Variants in MAFK observed in about 807,000 individuals in gnomAD.
MAFK encodes transcription factor MafK.
A neutral mutation model predicts 9.2 loss-of-function variants in MAFK; 1 was observed. The ratio of observed to expected loss-of-function variants is 0.11; its 90% CI spans 0.04 to 0.52. The LOEUF (loss-of-function observed/expected upper bound fraction) is 0.52. Ranked by LOEUF, MAFK falls within the 20% of genes least tolerant of loss-of-function variation. The pLI is 0.94. For missense variants in MAFK, 207 were observed against 236.0 expected, an observed-to-expected ratio of 0.88 and a Z score of 0.81; for synonymous variants, 110 against 107.4, an observed-to-expected ratio of 1.02 and a Z score of -0.15.
intron 1 of MAFK, among the ~76,000 whole-genome samples, chr7:1,536,880 C>T (rs1312813056): frequency 6.6e-6 from 1 of 152,186 alleles, no homozygotes; most frequent in Admixed American, 6.5e-5. Flanking sequence ...AGAGCAGAGT[C>T]GTGACCTGCC....
Position 1,540,036 on chromosome 7 carries a change from C to T in MAFK, c.132C>T (p.Leu44=). 2 of 1,559,666 alleles carry T rather than the reference C, an allele frequency of 1.3e-6. No homozygotes were observed. The highest frequency in any genetic ancestry group is 1.7e-6 in the Non-Finnish European group (2 of 1,151,840). The change falls in exon 3 of 3, where the codon CTC becomes CTT. Residue 44 remains leucine, a synonymous_variant. Coordinates refer to ENST00000343242, the MANE Select transcript of MAFK (RefSeq NM_002360.4). Reference sequence around the variant, plus strand: ...AGCTGAACCAGCACCTGCGGGGTCTCACCAAGGAGGAGGTGACCCGCCTGA... The same window carrying T: ...AGCTGAACCAGCACCTGCGGGGTCTTACCAAGGAGGAGGTGACCCGCCTGA... ...VRELNQHLRG[L]TKEEVTRLKQ... is the part of the protein sequence containing the mutation.
At position 1,535,438 on chromosome 7, in the gene MAFK, T is replaced by A. The variant is rs183165532; in HGVS notation, c.-44-3711T>A. Among the ~76,000 whole-genome samples, 164 of 152,312 alleles carry A rather than the reference T, an allele frequency of 1.1e-3. 1 individual carries two copies. The highest frequency in any genetic ancestry group is 4.6e-3 in the South Asian group (22 of 4,832). ...GGGAGACTGAGGCAGGAAGATCACT[T>A]GAGTCCAGGAGCTCGAGACCAGCCT... On this transcript the variant is annotated intron_variant, in intron 1 of 2. Coordinates refer to ENST00000343242, the MANE Select transcript of MAFK (RefSeq NM_002360.4).
In MAFK at chr7:1,540,689, A is replaced by G. The variant is rs1168121624; in HGVS notation, c.*314A>G. On this transcript the variant is annotated 3_prime_UTR_variant, in exon 3 of 3. Coordinates refer to ENST00000343242, the MANE Select transcript of MAFK (RefSeq NM_002360.4). ...ACATATAATGGAAAGGCCCTCGGGA[A>G]GTTCCGCGTCCTCTGTGGGGGCTGC... 1 of 352,874 alleles carries G rather than the reference A, an allele frequency of 2.8e-6. No individual in the cohort carries two copies. Among genetic ancestry groups the G allele is most frequent in the Non-Finnish European group, 5.2e-6 (1 of 192,928 alleles). 21.9% of individuals were successfully genotyped at this position (352,874 alleles called of 1,614,324 possible). A position where few individuals can be genotyped will look rare whatever the true frequency, so the allele number is the denominator to read the frequency against.
rs78528762 is a variant in MAFK, at chr7:1,534,550, C to T, written c.-45+3652C>T. On this transcript the variant is annotated intron_variant, in intron 1 of 2. Transcript: ENST00000343242. This position sits in a 1 kb window ranked among gnomAD's most constrained non-coding sequence, Gnocchi z 4.3. ...CGTGTCTCTCGCACAGAGCTCCCGT[C>T]CTCCGTTCCTGGTCTTCCTCCTGCC... is the stretch of plus-strand genomic sequence containing the variant. 4,626 of 456,096 alleles carry T rather than the reference C, an allele frequency of 0.01. 145 individuals carry two copies. Among genetic ancestry groups the T allele is most frequent in the African/African-American group, 0.071 (3,549 of 50,144 alleles). 28.3% of individuals were successfully genotyped at this position (456,096 alleles called of 1,614,324 possible). A position where few individuals can be genotyped will look rare whatever the true frequency, so the allele number is the denominator to read the frequency against.
At chr7:1,539,542 C>T (rs1360554082) in intron 2 of MAFK, among the ~76,000 whole-genome samples, 1 of 114,254 alleles carries the variant, frequency 8.8e-6, no homozygotes, top group East Asian at 2.5e-4. Context: ...GCGTGGCCAG[C>T]GTGGCCTCTG....
Position 1,540,583 on chromosome 7 carries a change from G to A in MAFK, c.*208G>A. The A allele has an allele frequency of 1.7e-6, 1 of 571,708 alleles. No homozygotes were observed. The highest frequency in any genetic ancestry group is 3.0e-6 in the Non-Finnish European group (1 of 330,524). 35.4% of individuals were successfully genotyped at this position (571,708 alleles called of 1,614,324 possible). On this transcript the variant is annotated 3_prime_UTR_variant, in exon 3 of 3. Transcript: ENST00000343242. ...GCCCAGAGCTGCACGCCGGTCCACAGACACACTCACGCCCGCCACCTGCTC... is the reference window on the plus strand; with the variant it reads ...GCCCAGAGCTGCACGCCGGTCCACAAACACACTCACGCCCGCCACCTGCTC...
intron 1 of MAFK, among the ~76,000 whole-genome samples, chr7:1,535,448 A>T (rs1311208132): frequency 6.6e-6 from 1 of 152,220 alleles, no homozygotes; most frequent in East Asian, 1.9e-4. Flanking sequence ...TGAGTCCAGG[A>T]GCTCGAGACC....
intron 2 of MAFK, 53 bp downstream of exon 2, chr7:1,539,281 C>G (rs1583202152): frequency 1.4e-6 from 2 of 1,442,904 alleles, no homozygotes; most frequent in African/African-American, 1.7e-5. Context: ...GGGAAAGGCC[C>G]CCGGCCCGAC....
chr7:1,530,958 G>GCGCGTGGATTCTCC (rs1783890042), intron 1 of MAFK, 60 bp downstream of exon 1: 1 of 146,432 alleles, frequency 6.8e-6, no homozygotes, highest in Non-Finnish European at 1.5e-5. Flanking sequence ...CGGGGCGCGG[G>GCGCGTGGATTCTCC]GCCGGGGCTA....
chr7:1,536,990 T>C lies in MAFK; in HGVS notation c.-44-2159T>C, dbSNP rs566270403. ...TCTTCAGAGGGCCCCAGTGCAGGTG[T>C]GCCTCGAAGTACTGGGGTTGGAGCG... On this transcript the variant is annotated intron_variant, in intron 1 of 2. Coordinates refer to ENST00000343242, the MANE Select transcript of MAFK (RefSeq NM_002360.4). 5.3e-5 allele frequency among the ~76,000 whole-genome samples: 8 copies of C among 152,296 alleles called. No individual in the cohort carries two copies. In the South Asian group the frequency reaches 1.7e-3, roughly 32 times the overall value.
At chr7:1,536,182 C>T (rs148023256) in intron 1 of MAFK, among the ~76,000 whole-genome samples, 77 of 152,332 alleles carry the variant, frequency 5.1e-4, no homozygotes, top group African/African-American at 1.8e-3. Flanking sequence ...TGCTGGGGCC[C>T]CACAGCGGAA....
At position 1,541,773 on chromosome 7, in the gene MAFK, GCTTC is replaced by G. The variant is rs1350975998; in HGVS notation, c.*1402_*1405del. The G allele has an allele frequency of 6.6e-6, 1 of 152,296 alleles. No individual in the cohort carries two copies. Among genetic ancestry groups the G allele is most frequent in the African/African-American group, 2.4e-5 (1 of 41,452 alleles). 9.4% of individuals were successfully genotyped at this position (152,296 alleles called of 1,614,324 possible). A position where few individuals can be genotyped will look rare whatever the true frequency, so the allele number is the denominator to read the frequency against. ...CAGTGGGCTTGGCACTCCACCTTGG[GCTTC>G]CTTTTCCTGGAGAGCCGCCTTGAGG... On this transcript the variant is annotated 3_prime_UTR_variant, in exon 3 of 3. Transcript: ENST00000343242.
rs1351601979 is a variant in MAFK, at chr7:1,530,910, T to G, written c.-45+12T>G. On this transcript the variant is annotated intron_variant, in intron 1 of 2. Transcript: ENST00000343242. ...CCGCGCGACGCCAGGTGAGGGGCGG[T>G]GGGGCAGCGGGGCCCGGGCCGCGGC... 1 of 74,952 alleles carries G rather than the reference T, an allele frequency of 1.3e-5. No individual in the cohort carries two copies. The highest frequency in any genetic ancestry group is 2.7e-5 in the Non-Finnish European group (1 of 36,766). The allele number at this position is 74,952 out of a possible 1,614,324, so 4.6% of individuals were successfully genotyped here.
Position 1,540,437 on chromosome 7 carries a change from C to A in MAFK, c.*62C>A. 2.3e-6 allele frequency: 3 copies of A among 1,295,992 alleles called. No individual in the cohort carries two copies. The highest frequency in any genetic ancestry group is 3.1e-6 in the Non-Finnish European group (3 of 958,832). The allele number at this position is 1,295,992 out of a possible 1,614,324, so 80.3% of individuals were successfully genotyped here. A position where few individuals can be genotyped will look rare whatever the true frequency, so the allele number is the denominator to read the frequency against. On this transcript the variant is annotated 3_prime_UTR_variant, in exon 3 of 3. Coordinates refer to ENST00000343242, the MANE Select transcript of MAFK (RefSeq NM_002360.4). ...GCGGGCAGGCGGGTGGGGGCACACCCCTCGTACCTGTCACTGGGATGCAGA... is the reference window on the plus strand; with the variant it reads ...GCGGGCAGGCGGGTGGGGGCACACCACTCGTACCTGTCACTGGGATGCAGA...
Position 1,534,925 on chromosome 7 carries a change from A to T in MAFK, c.-45+4027A>T, listed in dbSNP as rs1384875991. ...TCTCTCTTTTTTTTTTTCCTAAAAG[A>T]TAAGGTCTTGCCCTGTCACTCAGGC... On this transcript the variant is annotated intron_variant, in intron 1 of 2. Coordinates refer to ENST00000343242, the MANE Select transcript of MAFK (RefSeq NM_002360.4). The surrounding 1 kb of genome is among the most constrained non-coding windows in gnomAD (Gnocchi z 4.3). Among the ~76,000 whole-genome samples, 1 of 151,654 alleles carries T rather than the reference A, an allele frequency of 6.6e-6. No individual in the cohort carries two copies. The highest frequency in any genetic ancestry group is 2.4e-5 in the African/African-American group (1 of 41,258).
At position 1,534,292 on chromosome 7, in the gene MAFK, G is replaced by A. The variant is rs1050296393; in HGVS notation, c.-45+3394G>A. ...TCTGGGACCAGCTGGGCTGCAATTA[G>A]TCGGTTGACACCTGTTTGACAGGCA... On this transcript the variant is annotated intron_variant, in intron 1 of 2. Transcript: ENST00000343242. This position sits in a 1 kb window ranked among gnomAD's most constrained non-coding sequence, Gnocchi z 4.3. 8.8e-6 allele frequency: 4 copies of A among 455,872 alleles called. 1 individual carries two copies. The highest frequency in any genetic ancestry group is 6.5e-4 in the Middle Eastern group (2 of 3,068). The allele number at this position is 455,872 out of a possible 1,614,324, so 28.2% of individuals were successfully genotyped here.
At chr7:1,535,910 C>T (rs941520283) in intron 1 of MAFK, among the ~76,000 whole-genome samples, 3 of 152,258 alleles carry the variant, frequency 2.0e-5, no homozygotes, top group African/African-American at 7.2e-5. Flanking sequence ...TCACTCATCC[C>T]CAGCTGCAGC....
At position 1,530,737 on chromosome 7, in the gene MAFK, G is replaced by A. The variant is rs1274227333; in HGVS notation, c.-206G>A. On this transcript the variant is annotated 5_prime_UTR_variant, in exon 1 of 3. Coordinates refer to ENST00000343242, the MANE Select transcript of MAFK (RefSeq NM_002360.4). ...GGGGAGCCGGGCGGGCGGGTGCGGT[G>A]GCGGCGGGCGGCGCGGGGGCACTTG... The A allele has an allele frequency of 6.7e-6, 1 of 149,804 alleles. No homozygotes were observed. Among genetic ancestry groups the A allele is most frequent in the African/African-American group, 2.4e-5 (1 of 41,104 alleles). The allele number at this position is 149,804 out of a possible 1,614,324, so 9.3% of individuals were successfully genotyped here.
chr7:1,537,402 G>T, intron 1 of MAFK: 5 of 985,508 alleles, frequency 5.1e-6, no homozygotes, highest in Non-Finnish European at 6.0e-6. Context: ...GTGCACTGAC[G>T]TGCTCGCAGT....
Sources: allele counts gnomAD v4.1 joint callset (sites outside exome capture counted in the v4.1 genomes callset), GRCh38; gene constraint gnomAD v4.1.1; non-coding constraint Gnocchi (gnomAD v3.1); transcripts MANE v1.5; gene names NCBI Gene and HGNC (gene_info 2026-07-23, HGNC 2026-07-21).